The following GRM1 variants were observed in gnomAD, a reference collection of about 807,000 sequenced individuals.
GRM1 encodes glutamate metabotropic receptor 1.
GRM1 carries 33 observed loss-of-function variants against 90.9 expected under a neutral mutation model. The ratio of observed to expected loss-of-function variants is 0.36; its 90% CI spans 0.28 to 0.49. The LOEUF is 0.49. GRM1 is among the 20% of genes least tolerant of loss of function. GRM1 has a pLI of 0.99. For synonymous variants in GRM1, 700 were observed against 613.2 expected (o/e 1.14, Z -2.09); for missense variants, 1,190 against 1,534.3 (o/e 0.78, Z 3.75).
chr6:146,066,947 A>T (rs1258407987), intron 1 of GRM1, among the ~76,000 whole-genome samples: 1 of 152,152 alleles, frequency 6.6e-6, no homozygotes, highest in Non-Finnish European at 1.5e-5. Context: ...ATGTTAACAT[A>T]TTTATTCAGT....
Position 146,043,944 on chromosome 6 carries a change from T to C in GRM1, c.700+13727T>C, listed in dbSNP as rs1359468668. 6.6e-5 allele frequency among the ~76,000 whole-genome samples: 10 copies of C among 151,694 alleles called. 1 individual carries two copies. Among genetic ancestry groups the C allele is most frequent in the Non-Finnish European group, 1.2e-4 (8 of 67,832 alleles). ...GAGGTATCTTACACTCATAGTTTAA[T>C]ACGCTAAAGATGAGAAGATCTAGTG... On this transcript the variant is annotated intron_variant, in intron 1 of 7. Transcript: ENST00000282753.
At chr6:146,148,363 A>T (rs1016922009) in intron 1 of GRM1, among the ~76,000 whole-genome samples, 3 of 152,238 alleles carry the variant, frequency 2.0e-5, no homozygotes, top group Middle Eastern at 6.8e-3. Context: ...CTTGTTCTTT[A>T]AGCTTTATAT....
chr6:146,081,608 C>CT (rs1030531533), intron 1 of GRM1, among the ~76,000 whole-genome samples: 2 of 152,176 alleles, frequency 1.3e-5, no homozygotes, highest in African/African-American at 2.4e-5. Context: ...TTTGGAAAAT[C>CT]TTGAGCTTTT....
intron 1 of GRM1, among the ~76,000 whole-genome samples, chr6:146,076,569 G>C (rs557935701): frequency 6.6e-6 from 1 of 152,248 alleles, no homozygotes; most frequent in South Asian, 2.1e-4. Context: ...TGAATCCAAG[G>C]ATTTTGACAT....
At chr6:146,260,494 A>G (rs949079785) in intron 2 of GRM1, among the ~76,000 whole-genome samples, 1 of 152,188 alleles carries the variant, frequency 6.6e-6, no homozygotes, top group African/African-American at 2.4e-5. Context: ...AGAATGATTT[A>G]TAATCCTTTG....
At chr6:146,037,857 C>T (rs1277889498) in intron 1 of GRM1, among the ~76,000 whole-genome samples, 2 of 151,978 alleles carry the variant, frequency 1.3e-5, no homozygotes, top group African/African-American at 2.4e-5. Flanking sequence ...AGAAGCCTCT[C>T]CTTTTCTTCA....
At chr6:146,063,328 A>G (rs1775735390) in intron 1 of GRM1, among the ~76,000 whole-genome samples, 1 of 152,208 alleles carries the variant, frequency 6.6e-6, no homozygotes, top group Non-Finnish European at 1.5e-5. Flanking sequence ...GCTGTTTTTA[A>G]TCGAGTCTCA....
chr6:146,109,131 A>G (rs908340158), intron 1 of GRM1, among the ~76,000 whole-genome samples: 2 of 152,254 alleles, frequency 1.3e-5, no homozygotes, highest in Non-Finnish European at 2.9e-5. Flanking sequence ...AGAAATTTGC[A>G]TAAGTAATGA....
At chr6:146,366,176 T>C (rs6570758) in intron 5 of GRM1, among the ~76,000 whole-genome samples, 6,105 of 152,276 alleles carry the variant, frequency 0.04, 394 homozygotes, top group African/African-American at 0.14. Context: ...AGTCAATGAA[T>C]GACTGAATAA....
At chr6:146,101,581 C>T (rs774139373) in intron 1 of GRM1, among the ~76,000 whole-genome samples, 1 of 152,036 alleles carries the variant, frequency 6.6e-6, no homozygotes, top group Non-Finnish European at 1.5e-5. Flanking sequence ...TGATTGCTTC[C>T]ACCACCACAC....
intron 3 of GRM1, among the ~76,000 whole-genome samples, chr6:146,344,185 T>C (rs1210861964): frequency 1.3e-5 from 2 of 152,238 alleles, no homozygotes; most frequent in African/African-American, 2.4e-5. Context: ...AAATGCTGAC[T>C]TCTACCACCT....
chr6:146,088,291 T>C lies in GRM1; in HGVS notation c.700+58074T>C, dbSNP rs535772514. Among the ~76,000 whole-genome samples, 4 of 152,286 alleles carry C rather than the reference T, an allele frequency of 2.6e-5. No homozygotes were observed. In the East Asian group the frequency reaches 5.8e-4, roughly 22 times the overall value. ...GATTTTCTAATTGGATTGTTTGATT[T>C]TTGTTTTCTACTATTGAGTTTTGAG... On this transcript the variant is annotated intron_variant, in intron 1 of 7. Coordinates refer to ENST00000282753, the MANE Select transcript of GRM1 (RefSeq NM_001278064.2).
intron 2 of GRM1, among the ~76,000 whole-genome samples, chr6:146,175,666 C>A (rs1778313812): frequency 6.6e-6 from 1 of 152,008 alleles, no homozygotes; most frequent in Admixed American, 6.6e-5. Flanking sequence ...CCAAAATATC[C>A]TCCTCTGGGT....
intron 3 of GRM1, among the ~76,000 whole-genome samples, chr6:146,307,618 A>G (rs951060700): frequency 6.6e-6 from 1 of 152,192 alleles, no homozygotes; most frequent in Admixed American, 6.5e-5. Flanking sequence ...TAATCTTCTA[A>G]CAAATATGCA....
rs111923140 is a variant in GRM1 at position 146,430,323 on chromosome 6, T to G, written c.2661-3549T>G. Among the ~76,000 whole-genome samples the G allele has an allele frequency of 4.1e-3, 618 of 152,298 alleles. 1 individual carries two copies. The highest frequency in any genetic ancestry group is 7.8e-3 in the Non-Finnish European group (528 of 68,020). On this transcript the variant is annotated intron_variant, in intron 7 of 7. Transcript: ENST00000282753. ...AGCTGTCCACACAGTAACTATACAT[T>G]ATCCTATACATCCTGTAGGCCTAAC...
intron 2 of GRM1, among the ~76,000 whole-genome samples, chr6:146,247,479 C>T (rs1038867717): frequency 2.0e-5 from 3 of 152,048 alleles, no homozygotes; most frequent in Admixed American, 6.6e-5. Flanking sequence ...CCGGGTGCAG[C>T]AGCTCATGCC....
chr6:146,118,065 G>A (rs1775824939), intron 1 of GRM1, among the ~76,000 whole-genome samples: 1 of 150,536 alleles, frequency 6.6e-6, no homozygotes, highest in African/African-American at 2.4e-5. Context: ...AGATGCATGA[G>A]TAGCAAACTT....
At chr6:146,377,130 G>T (rs1052136309) in intron 5 of GRM1, among the ~76,000 whole-genome samples, 6 of 152,018 alleles carry the variant, frequency 3.9e-5, no homozygotes, top group African/African-American at 1.5e-4. Flanking sequence ...CCAGTCTTGG[G>T]TACGTCTTTA....
intron 1 of GRM1, among the ~76,000 whole-genome samples, chr6:146,032,532 C>T (rs1328293348): frequency 6.6e-6 from 1 of 152,094 alleles, no homozygotes; most frequent in East Asian, 1.9e-4. Context: ...CAGGCACTTC[C>T]TTGGATCATT....
Sources: gnomAD v4.1 joint callset for allele counts (sites outside exome capture counted in the v4.1 genomes callset) on GRCh38, gnomAD v4.1.1 for gene constraint, MANE v1.5 for transcripts, NCBI Gene and HGNC (gene_info 2026-07-23, HGNC 2026-07-21) for gene names.